Variants in AFF1 observed in about 807,000 individuals in gnomAD.
AFF1 encodes the protein ALF transcription elongation factor 1, also known as AF4/FMR2 family member 1.
In AFF1, 48 loss-of-function variants were observed where a neutral mutation model predicts 121.7. The ratio of observed to expected loss-of-function variants is 0.39; its 90% confidence interval spans 0.31 to 0.50. AFF1 has a LOEUF of 0.50. Ranked by LOEUF, AFF1 falls within the 20% of genes least tolerant of loss-of-function variation. AFF1 has a pLI of 0.76. For missense variants in AFF1, 1,523 were observed against 1,511.7 expected, an observed-to-expected ratio of 1.01 and a Z score of -0.12; for synonymous variants, 613 against 563.0, an observed-to-expected ratio of 1.09 and a Z score of -1.26.
At chr4:87,020,805 G>C (rs6827682) in intron 2 of AFF1, 1 of 985,160 alleles carries the variant, frequency 1.0e-6, no homozygotes, top group African/African-American at 1.7e-5. Context: ...TGATGCACAG[G>C]TAGTCATCAT....
At position 87,091,846 on chromosome 4, in the gene AFF1, C is replaced by T. The variant is rs766778873; in HGVS notation, c.1228+17C>T. On this transcript the variant is annotated intron_variant, in intron 7 of 20. Coordinates refer to ENST00000395146, the MANE Select transcript of AFF1 (RefSeq NM_001166693.3). ...AAAACCAAAGTAAGTAAATTTGAAACTGCTTATTGGATTGGAGAACAAAGC... is the reference window on the plus strand; with the variant it reads ...AAAACCAAAGTAAGTAAATTTGAAATTGCTTATTGGATTGGAGAACAAAGC... 4 of 1,549,350 alleles carry T rather than the reference C, an allele frequency of 2.6e-6. No homozygotes were observed. The South Asian group carries it at 3.6e-5, about 14-fold the overall frequency.
intron 11 of AFF1, among the ~76,000 whole-genome samples, chr4:87,109,954 T>A (rs1411923117): frequency 6.6e-6 from 1 of 152,216 alleles, no homozygotes; most frequent in Non-Finnish European, 1.5e-5. Context: ...TTTGTTTAGA[T>A]TTTAAGTTTT....
intron 4 of AFF1, among the ~76,000 whole-genome samples, chr4:87,054,200 AG>A (rs1274339519): frequency 6.6e-6 from 1 of 152,228 alleles, no homozygotes; most frequent in Admixed American, 6.5e-5. Flanking sequence ...GCCCTCCCCT[AG>A]GGGGGCTGAG....
At chr4:87,044,959 C>G (rs1730525207) in intron 2 of AFF1, among the ~76,000 whole-genome samples, 1 of 152,146 alleles carries the variant, frequency 6.6e-6, no homozygotes, top group Non-Finnish European at 1.5e-5. Flanking sequence ...AAAGAGCCAT[C>G]AAATGCTTGT....
At chr4:87,123,615 G>A (rs1416225002) in intron 12 of AFF1, among the ~76,000 whole-genome samples, 1 of 152,232 alleles carries the variant, frequency 6.6e-6, no homozygotes, top group African/African-American at 2.4e-5. Flanking sequence ...AAAGGAGCCT[G>A]TGAAGGGCTG....
intron 2 of AFF1, among the ~76,000 whole-genome samples, chr4:87,016,161 A>ACAGAGTCAGACTCTG: frequency 6.6e-6 from 1 of 152,132 alleles, no homozygotes; most frequent in Non-Finnish European, 1.5e-5. Context: ...AGCCTGGGCG[A>ACAGAGTCAGACTCTG]TCTTTTGGTA....
chr4:87,108,011 G>T, intron 10 of AFF1, 148 bp from the exon 11 acceptor site: 1 of 711,342 alleles, frequency 1.4e-6, no homozygotes, highest in South Asian at 3.3e-5. Flanking sequence ...AACTACTTTG[G>T]GCCTCTCTCA....
At chr4:87,070,819 A>G (rs991287540) in intron 4 of AFF1, among the ~76,000 whole-genome samples, 3 of 152,230 alleles carry the variant, frequency 2.0e-5, no homozygotes, top group African/African-American at 7.2e-5. Flanking sequence ...TAATTTATTC[A>G]GCATAGTTTG....
Position 87,136,907 on chromosome 4 carries a change from A to G in AFF1, c.*1206A>G. On this transcript the variant is annotated 3_prime_UTR_variant, in exon 21 of 21. Transcript: ENST00000395146. ...GGTTGATTAGACTTTTGAAAAACTC[A>G]TCACCACATGCCTTCACTCCAGAGT... The G allele has an allele frequency of 4.5e-6, 1 of 221,200 alleles. No individual in the cohort carries two copies. Among genetic ancestry groups the G allele is most frequent in the Non-Finnish European group, 9.1e-6 (1 of 110,318 alleles). 13.7% of individuals were successfully genotyped at this position (221,200 alleles called of 1,614,324 possible).
rs750413368 is a variant in AFF1, at chr4:87,125,186, C to T, written c.2573+43C>T. On this transcript the variant is annotated intron_variant, in intron 13 of 20. Transcript: ENST00000395146. ...CAACCACCTAATCTACGGTGATCAA[C>T]ACTTCTTGGGTCTTGACATAGCAAA... The T allele has an allele frequency of 7.4e-6, 11 of 1,485,340 alleles. No individual in the cohort carries two copies. The South Asian group carries it at 1.3e-4, about 17-fold the overall frequency. 92.0% of individuals were successfully genotyped at this position (1,485,340 alleles called of 1,614,324 possible). A position where few individuals can be genotyped will look rare whatever the true frequency, so the allele number is the denominator to read the frequency against.
At chr4:86,944,716 G>A (rs1222266277) in intron 1 of AFF1, among the ~76,000 whole-genome samples, 1 of 152,176 alleles carries the variant, frequency 6.6e-6, no homozygotes, top group African/African-American at 2.4e-5. Flanking sequence ...AGGTTCCCCA[G>A]AGTGTACTAG....
chr4:86,967,721 C>T (rs1171039778), intron 2 of AFF1, among the ~76,000 whole-genome samples: 1 of 151,696 alleles, frequency 6.6e-6, no homozygotes, highest in Non-Finnish European at 1.5e-5. Context: ...AATTCTTAAT[C>T]ATTGGTTTTG....
intron 2 of AFF1, among the ~76,000 whole-genome samples, chr4:86,951,251 C>T (rs1245267609): frequency 6.6e-6 from 1 of 152,042 alleles, no homozygotes; most frequent in Non-Finnish European, 1.5e-5. Context: ...CCATCAAATG[C>T]TTTTCAGGTG....
At chr4:86,984,415 C>T (rs1272697545) in intron 2 of AFF1, among the ~76,000 whole-genome samples, 1 of 149,560 alleles carries the variant, frequency 6.7e-6, no homozygotes, top group African/African-American at 2.5e-5. Context: ...CAACTTCTGT[C>T]TCCTGGATTC....
chr4:86,950,080 G>A (rs1023985191), intron 2 of AFF1: 106 of 1,614,028 alleles, frequency 6.6e-5, no homozygotes, highest in Middle Eastern at 1.6e-4. Context: ...TCCACGCGGC[G>A]AAGCCCCAGT....
intron 12 of AFF1, among the ~76,000 whole-genome samples, chr4:87,121,117 G>A (rs1306391102): frequency 6.6e-6 from 1 of 152,184 alleles, no homozygotes; most frequent in Non-Finnish European, 1.5e-5. Context: ...TCCCTTTGTG[G>A]AAGGTGAGGC....
chr4:87,135,991 A>G lies in AFF1; in HGVS notation c.*290A>G, dbSNP rs1729269207. 1 of 331,046 alleles carries G rather than the reference A, an allele frequency of 3.0e-6. No homozygotes were observed. The highest frequency in any genetic ancestry group is 2.1e-5 in the African/African-American group (1 of 47,644). The allele number at this position is 331,046 out of a possible 1,614,324, so 20.5% of individuals were successfully genotyped here. On this transcript the variant is annotated 3_prime_UTR_variant, in exon 21 of 21. Coordinates refer to ENST00000395146, the MANE Select transcript of AFF1 (RefSeq NM_001166693.3). ...AAATGGGTGTATGAATGGTCTAGAA[A>G]CATTTCTATTTTTTTTTTAAACCAG...
chr4:87,022,759 A>T (rs1394516510), intron 2 of AFF1, among the ~76,000 whole-genome samples: 4 of 149,136 alleles, frequency 2.7e-5, no homozygotes, highest in African/African-American at 5.0e-5. Context: ...TATATATATA[A>T]TATCATGTGT....
chr4:87,051,642 A>G (rs1731273773), intron 4 of AFF1, among the ~76,000 whole-genome samples: 1 of 151,314 alleles, frequency 6.6e-6, no homozygotes, highest in South Asian at 2.1e-4. Context: ...TTGTGTATAT[A>G]TTTTTTTATT....
Sources: allele counts gnomAD v4.1 joint callset (sites outside exome capture counted in the v4.1 genomes callset), GRCh38; gene constraint gnomAD v4.1.1; transcripts MANE v1.5; gene names NCBI Gene and HGNC (gene_info 2026-07-23, HGNC 2026-07-21).